The following PPCS variants were observed in gnomAD, a reference collection of about 807,000 sequenced individuals.
PPCS encodes phosphopantothenoylcysteine synthetase.
Under a neutral mutation model 24.6 loss-of-function variants are expected in PPCS, and 17 were observed. That is an observed-to-expected ratio of 0.69 (90% CI 0.47 to 1.04). The LOEUF (loss-of-function observed/expected upper bound fraction) is 1.04, where lower values mean the gene tolerates loss of function less well. PPCS is among the 50% of genes least tolerant of loss of function. PPCS has a pLI of 0.00. For missense variants in PPCS, 360 were observed against 402.8 expected (o/e 0.89, Z 0.91); for synonymous variants, 190 against 168.3 (o/e 1.13, Z -1.00).
chr1:42,457,365 T>C lies in PPCS; in HGVS notation c.612+15T>C. On this transcript the variant is annotated intron_variant, in intron 2 of 2. Transcript: ENST00000372561. The stretch of plus-strand genomic sequence containing the variant: ...GCCCACTGCAGGTGATGGGCGCTTC[T>C]CTTCCAGAGATCTAATCCCATATAA... The C allele has an allele frequency of 6.2e-7, 1 of 1,602,960 alleles. No homozygotes were observed. The highest frequency in any genetic ancestry group is 8.5e-7 in the Non-Finnish European group (1 of 1,169,842).
intron 2 of PPCS, among the ~76,000 whole-genome samples, chr1:42,472,058 A>C (rs896191189): frequency 1.2e-4 from 18 of 152,196 alleles, no homozygotes; most frequent in East Asian, 3.9e-4. Flanking sequence ...GTTCGAGACG[A>C]GCCTGACCAA....
Position 42,456,612 on chromosome 1 carries a change from C to T in PPCS, c.47C>T (p.Ala16Val), listed in dbSNP as rs1362158208. ...PVAEFPQPPG[A>V]ARWAEVMARF... ...GCCGAGTTCCCCCAGCCTCCCGGTG[C>T]TGCGCGCTGGGCTGAGGTTATGGCT... is the stretch of plus-strand genomic sequence containing the variant. Residue 16 changes from alanine to valine, a missense_variant, in exon 1 of 3, where the codon GCT becomes GTT. Physicochemically the swap from Ala to Val is moderately conservative, Grantham distance 64 (BLOSUM62 0). Around this residue, in one of 2 missense-constraint regions of PPCS, gnomAD observed 244 missense variants for 234.7 expected, o/e 1.04. Transcript: ENST00000372561. The T allele has an allele frequency of 1.3e-6, 2 of 1,534,656 alleles. No individual in the cohort carries two copies. The highest frequency in any genetic ancestry group is 1.7e-6 in the Non-Finnish European group (2 of 1,144,344).
chr1:42,457,666 A>T (rs1158630631), intron 2 of PPCS: 4 of 317,328 alleles, frequency 1.3e-5, no homozygotes, highest in South Asian at 3.6e-5. Context: ...TTAAAAGATG[A>T]GCAGAACCGA....
At chr1:42,468,252 G>A (rs1283433416) in intron 2 of PPCS, among the ~76,000 whole-genome samples, 1 of 152,232 alleles carries the variant, frequency 6.6e-6, no homozygotes, top group African/African-American at 2.4e-5. Context: ...TGGTGGGGCA[G>A]CACCTTGAAA....
rs757977114 is a variant in PPCS, at chr1:42,456,784, C to T, written c.219C>T (p.Phe73=). The T allele has an allele frequency of 1.1e-5, 17 of 1,612,942 alleles. No individual in the cohort carries two copies. In the Admixed American group the frequency reaches 1.2e-4, roughly 11 times the overall value. ...GRRGATSAEA[F]LAAGYGVLFL... Reference sequence around the variant, plus strand: ...GCGGTGCAACCTCGGCCGAGGCCTTCCTAGCCGCCGGCTACGGGGTCCTGT... The same window carrying T: ...GCGGTGCAACCTCGGCCGAGGCCTTTCTAGCCGCCGGCTACGGGGTCCTGT... The change falls in exon 1 of 3, where the codon TTC becomes TTT. Residue 73 remains phenylalanine (F), a synonymous_variant. Transcript: ENST00000372561.
intron 1 of PPCS, 35 bp from the exon 2 acceptor site, chr1:42,457,212 G>A (rs770966604): frequency 3.1e-6 from 5 of 1,612,962 alleles, no homozygotes; most frequent in Non-Finnish European, 4.2e-6. Context: ...ATCGTACCTC[G>A]CCGATTTGTT....
chr1:42,468,284 T>C (rs1271858300), intron 2 of PPCS, among the ~76,000 whole-genome samples: 2 of 152,364 alleles, frequency 1.3e-5, no homozygotes, highest in Admixed American at 6.5e-5. Flanking sequence ...CCAGATTTCT[T>C]CTCTCCTGAT....
chr1:42,461,553 T>C (rs1305153766), downstream of PPCS, among the ~76,000 whole-genome samples: 1 of 150,832 alleles, frequency 6.6e-6, no homozygotes, highest in African/African-American at 2.4e-5. Flanking sequence ...CCAGGCTCTT[T>C]TTTTTTTTTT....
At chr1:42,467,986 G>T (rs535438589) in intron 2 of PPCS, among the ~76,000 whole-genome samples, 3 of 152,320 alleles carry the variant, frequency 2.0e-5, no homozygotes, top group African/African-American at 7.2e-5. Context: ...GAGCAAACTC[G>T]CAGGGAAGCT....
intron 2 of PPCS, chr1:42,467,744 C>A (rs1173765566): frequency 3.3e-5 from 5 of 152,204 alleles, no homozygotes; most frequent in Non-Finnish European, 7.3e-5. Context: ...CTACTTCCAA[C>A]CCATTCCATG....
At chr1:42,457,967 A>AC (rs1170960863) in intron 2 of PPCS, among the ~76,000 whole-genome samples, 1 of 151,596 alleles carries the variant, frequency 6.6e-6, no homozygotes, top group East Asian at 1.9e-4. Flanking sequence ...AAAAAAAAAA[A>AC]AAACACCAAA....
rs1019587016 is a variant in PPCS, at chr1:42,461,207, A to G, written c.*1281A>G. On this transcript the variant is annotated 3_prime_UTR_variant, in exon 3 of 3. Coordinates refer to ENST00000372561, the MANE Select transcript of PPCS (RefSeq NM_024664.4). ...GTGTCTGTCTGATAATAGAAGTACAATAAATTTAATTGAGAAGATTTGACA... is the reference window on the plus strand; with the variant it reads ...GTGTCTGTCTGATAATAGAAGTACAGTAAATTTAATTGAGAAGATTTGACA... 6.6e-6 allele frequency among the ~76,000 whole-genome samples: 1 copy of G among 152,236 alleles called. No individual in the cohort carries two copies. The highest frequency in any genetic ancestry group is 2.4e-5 in the African/African-American group (1 of 41,462).
At chr1:42,471,894 A>T (rs77886465) in intron 2 of PPCS, among the ~76,000 whole-genome samples, 5 of 145,066 alleles carry the variant, frequency 3.4e-5, no homozygotes, top group Non-Finnish European at 6.1e-5. Flanking sequence ...TTTTGCTTTT[A>T]AAAAGCAAAA....
chr1:42,456,623 G>T lies in PPCS; in HGVS notation c.58G>T (p.Ala20Ser). 1.3e-6 allele frequency: 2 copies of T among 1,577,186 alleles called. No homozygotes were observed. Among genetic ancestry groups the T allele is most frequent in the Non-Finnish European group, 1.7e-6 (2 of 1,163,906 alleles). The change falls in exon 1 of 3, where the codon GCT becomes TCT. Residue 20 changes from alanine to serine, a missense_variant. Coordinates refer to ENST00000372561, the MANE Select transcript of PPCS (RefSeq NM_024664.4). ...CCAGCCTCCCGGTGCTGCGCGCTGG[G>T]CTGAGGTTATGGCTCGCTTCGCGGC... ...FPQPPGAARWAEVMARFAARL... is the reference protein window; with the variant it reads ...FPQPPGAARWSEVMARFAARL...
intron 2 of PPCS, among the ~76,000 whole-genome samples, chr1:42,457,972 A>C (rs1643283376): frequency 6.8e-6 from 1 of 148,020 alleles, no homozygotes; most frequent in African/African-American, 2.5e-5. Flanking sequence ...AAAAAAAAAC[A>C]CCAAAAATCA....
At chr1:42,465,864 G>A (rs1030946489), downstream of PPCS, among the ~76,000 whole-genome samples, 2 of 152,106 alleles carry the variant, frequency 1.3e-5, no homozygotes, top group African/African-American at 4.8e-5. Flanking sequence ...GTAGTGCCAG[G>A]GTTGAGAAAC....
At chr1:42,462,258 G>A (rs554036623), downstream of PPCS, among the ~76,000 whole-genome samples, 1 of 152,214 alleles carries the variant, frequency 6.6e-6, no homozygotes, top group Admixed American at 6.5e-5. Context: ...ATAGCAAATG[G>A]AAGTGTATAA....
intron 2 of PPCS, among the ~76,000 whole-genome samples, chr1:42,467,326 G>T (rs1465682443): frequency 6.6e-6 from 1 of 152,188 alleles, no homozygotes; most frequent in African/African-American, 2.4e-5. Flanking sequence ...CATCAGTTAA[G>T]GTTGCTATTA....
rs148469728 is a variant in PPCS at position 42,460,415 on chromosome 1, A to T, written c.*489A>T. ...TCCAAAAGCTGACACAATGGAAAGG[A>T]TGTTTTGTTTTGTTTGAAATTTATC... On this transcript the variant is annotated 3_prime_UTR_variant, in exon 3 of 3. Coordinates refer to ENST00000372561, the MANE Select transcript of PPCS (RefSeq NM_024664.4). 6 of 984,810 alleles carry T rather than the reference A, an allele frequency of 6.1e-6. No homozygotes were observed. The African/African-American group carries it at 8.7e-5, about 14-fold the overall frequency. 61.0% of individuals were successfully genotyped at this position (984,810 alleles called of 1,614,324 possible). A position where few individuals can be genotyped will look rare whatever the true frequency, so the allele number is the denominator to read the frequency against.
Sources: allele counts gnomAD v4.1 joint callset (sites outside exome capture counted in the v4.1 genomes callset), GRCh38; gene constraint gnomAD v4.1.1; regional missense constraint gnomAD v4.1.1; transcripts MANE v1.5; gene names NCBI Gene and HGNC (gene_info 2026-07-23, HGNC 2026-07-21).